Variants in FBXW4 observed in about 807,000 individuals in gnomAD.
FBXW4 encodes F-box and WD repeat domain containing 4.
Under a neutral mutation model 61.8 loss-of-function variants are expected in FBXW4, and 40 were observed. The observed-to-expected ratio is 0.65, with a 90% CI of 0.50 to 0.84. The LOEUF (loss-of-function observed/expected upper bound fraction) is 0.84. Among genes scored for constraint, FBXW4 ranks in the 40% least tolerant of loss-of-function variants. The pLI, the probability that FBXW4 is intolerant of heterozygous loss-of-function variation, is 0.00. For synonymous variants in FBXW4, 311 were observed against 313.8 expected, an observed-to-expected ratio of 0.99 and a Z score of 0.10; for missense variants, 672 against 753.8, an observed-to-expected ratio of 0.89 and a Z score of 1.27.
rs112991749 is a variant in FBXW4, at chr10:101,646,641, G to A, written c.1235+21245C>T. On this transcript the variant is annotated intron_variant, in intron 5 of 8. Coordinates refer to ENST00000331272, the MANE Select transcript of FBXW4 (RefSeq NM_022039.4). ...GGAGGGGCAGCGGCCAGCCCTTTTG[G>A]CACCAGCTTCCTTCTTCCCTGGGTT... is the stretch of plus-strand genomic sequence containing the variant. Among the ~76,000 whole-genome samples, 885 of 152,300 alleles carry A rather than the reference G, an allele frequency of 5.8e-3. 8 individuals are homozygous for A. The highest frequency in any genetic ancestry group is 0.025 in the South Asian group (121 of 4,824).
Position 101,694,666 on chromosome 10 carries a change from G to A in FBXW4, c.440C>T (p.Ala147Val), listed in dbSNP as rs117664315. 3.5e-5 allele frequency: 49 copies of A among 1,403,374 alleles called. No homozygotes were observed. The African/African-American group carries it at 7.0e-4, about 20-fold the overall frequency. The allele number at this position is 1,403,374 out of a possible 1,614,324, so 86.9% of individuals were successfully genotyped here. ...RAQGRGGQAW[A>V]DIAGTGVAMA... ...GGCCACCCCTGTCCCCGCGATGTCG[G>A]CCCAAGCCTGACCCCCTCGTCCCTG... The change falls in exon 1 of 9, where the codon GCC becomes GTC. Residue 147 changes from alanine (A) to valine (V), a missense_variant. Coordinates refer to ENST00000331272, the MANE Select transcript of FBXW4 (RefSeq NM_022039.4). This position sits in a 1 kb window ranked among gnomAD's most constrained non-coding sequence, Gnocchi z 6.0.
intron 6 of FBXW4, among the ~76,000 whole-genome samples, chr10:101,619,671 AAAG>A (rs1184021970): frequency 2.0e-5 from 3 of 151,800 alleles, no homozygotes; most frequent in Non-Finnish European, 4.4e-5. Context: ...AAAAAAAAAA[AAAG>A]AAGAGGAAGG....
intron 5 of FBXW4, among the ~76,000 whole-genome samples, chr10:101,649,573 C>T (rs2064129549): frequency 6.6e-6 from 1 of 152,154 alleles, no homozygotes; most frequent in Non-Finnish European, 1.5e-5. Flanking sequence ...ACAGAGTGAC[C>T]CAAAGCAGAA....
chr10:101,642,499 C>T (rs990987231), intron 5 of FBXW4, among the ~76,000 whole-genome samples: 1 of 152,014 alleles, frequency 6.6e-6, no homozygotes, highest in East Asian at 1.9e-4. Flanking sequence ...GTGAGCTGCC[C>T]CTTCCTGCTC....
intron 5 of FBXW4, among the ~76,000 whole-genome samples, chr10:101,650,887 C>A (rs899716201): frequency 2.6e-5 from 4 of 152,184 alleles, no homozygotes; most frequent in Non-Finnish European, 4.4e-5. Flanking sequence ...ATACAAAGAT[C>A]GGGCTCTCGA....
chr10:101,615,365 G>C (rs139976305), intron 6 of FBXW4, among the ~76,000 whole-genome samples: 1 of 152,006 alleles, frequency 6.6e-6, no homozygotes, highest in African/African-American at 2.4e-5. Flanking sequence ...TCCACTAAGG[G>C]CTGGGGGCCT....
rs368247049 is a variant in FBXW4, at chr10:101,618,887, T to TG, written c.1301+5857dup. On this transcript the variant is annotated intron_variant, in intron 6 of 8. Transcript: ENST00000331272. ...TGCTAGGTCCATCTCAAATGCCCCT[T>TG]GGCAGAAAAAAAAAACCCACAGCAA... 7.2e-4 allele frequency among the ~76,000 whole-genome samples: 106 copies of TG among 146,556 alleles called. 2 individuals carry two copies. The highest frequency in any genetic ancestry group is 2.2e-3 in the African/African-American group (89 of 41,014).
At position 101,674,252 on chromosome 10, in the gene FBXW4, C is replaced by T. The variant is rs547242626; in HGVS notation, c.822-579G>A. Among the ~76,000 whole-genome samples, 145 of 151,696 alleles carry T rather than the reference C, an allele frequency of 9.6e-4. 2 individuals carry two copies. The highest frequency in any genetic ancestry group is 4.8e-5 in the African/African-American group (2 of 41,346). ...GCTGAGGCAGGAGAATCGCTTGAAC[C>T]TGGGAGGCGGAGGTTGCAGTGAGCC... On this transcript the variant is annotated intron_variant, in intron 2 of 8. Transcript: ENST00000331272.
chr10:101,639,456 A>G (rs1259656626), intron 5 of FBXW4, among the ~76,000 whole-genome samples: 3 of 152,236 alleles, frequency 2.0e-5, no homozygotes, highest in Non-Finnish European at 4.4e-5. Context: ...GTCACCATTC[A>G]CATAGACACT....
chr10:101,636,396 G>A (rs561941249), intron 5 of FBXW4, among the ~76,000 whole-genome samples: 45 of 145,816 alleles, frequency 3.1e-4, no homozygotes, highest in African/African-American at 8.9e-4. Context: ...ACAAAACAAC[G>A]GAAAAAAAAA....
intron 6 of FBXW4, among the ~76,000 whole-genome samples, chr10:101,617,177 G>A (rs533742325): frequency 9.2e-5 from 14 of 152,284 alleles, no homozygotes; most frequent in Middle Eastern, 3.4e-3. Context: ...CTCACAACAG[G>A]CTTTGGAGGT....
chr10:101,673,142 A>G (rs2064374433), intron 3 of FBXW4, 95 bp from the exon 4 acceptor site: 2 of 1,475,270 alleles, frequency 1.4e-6, no homozygotes, highest in African/African-American at 1.4e-5. Flanking sequence ...CTCCAGTGAC[A>G]TCCAAATTTG....
intron 1 of FBXW4, among the ~76,000 whole-genome samples, chr10:101,690,275 C>A (rs1191143746): frequency 6.6e-6 from 1 of 152,128 alleles, no homozygotes; most frequent in East Asian, 1.9e-4. Flanking sequence ...CTGTCTTGTT[C>A]TTGTAAACGG....
At chr10:101,613,026 C>A (rs1379042606) in intron 6 of FBXW4, 2 of 152,210 alleles carry the variant, frequency 1.3e-5, no homozygotes. Flanking sequence ...GGAGAAAAAT[C>A]GCTGAGAAAG....
At chr10:101,649,073 G>A (rs1322062081) in intron 5 of FBXW4, among the ~76,000 whole-genome samples, 2 of 152,136 alleles carry the variant, frequency 1.3e-5, no homozygotes, top group Non-Finnish European at 2.9e-5. Flanking sequence ...AAGGAAAAAA[G>A]GCAGCCCAGG....
At chr10:101,671,515 C>T (rs2064358041) in intron 4 of FBXW4, among the ~76,000 whole-genome samples, 1 of 152,076 alleles carries the variant, frequency 6.6e-6, no homozygotes, top group South Asian at 2.1e-4. Flanking sequence ...CAGATTGCTA[C>T]CTATGGTTAT....
chr10:101,634,691 GA>G (rs201467007), intron 5 of FBXW4, among the ~76,000 whole-genome samples: 10 of 143,748 alleles, frequency 7.0e-5, no homozygotes, highest in South Asian at 2.2e-4. Flanking sequence ...ATACACATTT[GA>G]AAAAAAAAAT....
intron 5 of FBXW4, among the ~76,000 whole-genome samples, chr10:101,652,670 C>T (rs551092905): frequency 4.6e-5 from 7 of 152,138 alleles, no homozygotes; most frequent in Non-Finnish European, 7.3e-5. Flanking sequence ...AAAGAAAATG[C>T]TTATAAATCT....
chr10:101,629,574 G>A (rs144131587), intron 5 of FBXW4, among the ~76,000 whole-genome samples: 4 of 152,046 alleles, frequency 2.6e-5, no homozygotes, highest in Non-Finnish European at 5.9e-5. Context: ...ATGAGCCACC[G>A]CACCCAGCCC....
Sources: gnomAD v4.1 joint callset for allele counts (sites outside exome capture counted in the v4.1 genomes callset) on GRCh38, gnomAD v4.1.1 for gene constraint, Gnocchi (gnomAD v3.1) non-coding constraint, MANE v1.5 for transcripts, NCBI Gene and HGNC (gene_info 2026-07-23, HGNC 2026-07-21) for gene names.